INSC: variants seen among roughly 807,000 people sequenced by gnomAD.
INSC encodes protein inscuteable homolog.
INSC carries 67 observed loss-of-function variants against 58.6 expected under a neutral mutation model. The ratio of observed to expected loss-of-function variants is 1.14; its 90% CI spans 0.94 to 1.40. The LOEUF (loss-of-function observed/expected upper bound fraction) is 1.40. INSC is among the 40% of genes most tolerant of loss of function. The pLI is 0.00. For synonymous variants in INSC, 262 were observed against 276.1 expected, an observed-to-expected ratio of 0.95 and a Z score of 0.51; for missense variants, 714 against 692.0, an observed-to-expected ratio of 1.03 and a Z score of -0.36.
chr11:15,206,945 C>T (rs1012111603), intron 7 of INSC, among the ~76,000 whole-genome samples: 10 of 152,176 alleles, frequency 6.6e-5, no homozygotes, highest in African/African-American at 2.4e-4. Flanking sequence ...ACATTGCCCC[C>T]AAAGGACCTG....
intron 5 of INSC, among the ~76,000 whole-genome samples, chr11:15,183,448 TG>T (rs1294082734): frequency 2.9e-4 from 44 of 151,236 alleles, no homozygotes; most frequent in African/African-American, 9.9e-4. Context: ...TGTGTATGTG[TG>T]TGTGTGTGTA....
intron 7 of INSC, among the ~76,000 whole-genome samples, chr11:15,204,222 C>T (rs1412946820): frequency 3.3e-5 from 5 of 152,242 alleles, no homozygotes; most frequent in African/African-American, 1.2e-4. Flanking sequence ...TATATCTCCA[C>T]TGCTTACAGA....
intron 1 of INSC, among the ~76,000 whole-genome samples, chr11:15,139,058 T>C (rs912470962): frequency 6.6e-6 from 1 of 152,216 alleles, no homozygotes; most frequent in Non-Finnish European, 1.5e-5. Flanking sequence ...AAAATCATAT[T>C]TGTGAAGCTA....
chr11:15,115,681 T>C (rs1225516779), intron 1 of INSC, among the ~76,000 whole-genome samples: 2 of 152,176 alleles, frequency 1.3e-5, no homozygotes, highest in Non-Finnish European at 2.9e-5. Context: ...GTGGACCATA[T>C]GGCCATGGCC....
rs964415993 is a variant in INSC at position 15,201,017 on chromosome 11, G to C, written c.819+68G>C. ...GGTAGGGGTGAGGTCCAGGCCTCAT[G>C]ATGGCCATCTGTTCCTTTTCATGGA... On this transcript the variant is annotated intron_variant, in intron 7 of 12. Transcript: ENST00000379556. The C allele has an allele frequency of 7.2e-6, 11 of 1,522,478 alleles. No individual in the cohort carries two copies. The East Asian group carries it at 1.7e-4, about 24-fold the overall frequency. 94.3% of individuals were successfully genotyped at this position (1,522,478 alleles called of 1,614,324 possible). A position where few individuals can be genotyped will look rare whatever the true frequency, so the allele number is the denominator to read the frequency against.
chr11:15,113,143 T>TCTC (rs1847611291), upstream of INSC, among the ~76,000 whole-genome samples: 75 of 98,660 alleles, frequency 7.6e-4, 1 homozygote, highest in African/African-American at 2.0e-3. Context: ...CTTTCTTTCT[T>TCTC]TCTGTCTCTC....
chr11:15,112,948 A>C (rs1261493259), upstream of INSC, among the ~76,000 whole-genome samples: 2 of 152,106 alleles, frequency 1.3e-5, no homozygotes, highest in Non-Finnish European at 2.9e-5. Flanking sequence ...TGATGCTCAG[A>C]GAGGTTAAGT....
At chr11:15,134,155 G>A (rs1848187301) in intron 1 of INSC, among the ~76,000 whole-genome samples, 1 of 152,148 alleles carries the variant, frequency 6.6e-6, no homozygotes, top group Admixed American at 6.5e-5. Flanking sequence ...GGAGGAATAT[G>A]TGTAAGACAC....
intron 2 of INSC, among the ~76,000 whole-genome samples, chr11:15,162,320 A>G (rs1849046885): frequency 6.6e-6 from 1 of 152,180 alleles, no homozygotes; most frequent in African/African-American, 2.4e-5. Context: ...CAAACAAAGC[A>G]GGCATCTCCC....
At chr11:15,157,114 G>T (rs1336990469) in intron 2 of INSC, among the ~76,000 whole-genome samples, 3 of 152,186 alleles carry the variant, frequency 2.0e-5, no homozygotes, top group Non-Finnish European at 4.4e-5. Flanking sequence ...TTGAGGAATA[G>T]GCAACTTCTG....
chr11:15,225,949 T>C, intron 9 of INSC, 121 bp downstream of exon 9: 5 of 909,608 alleles, frequency 5.5e-6, no homozygotes, highest in Middle Eastern at 6.8e-4. Context: ...TTTTGCATGC[T>C]GTAGGAGGGC....
chr11:15,153,360 T>C (rs11023454), intron 2 of INSC, among the ~76,000 whole-genome samples: 55,675 of 152,058 alleles, frequency 0.37, 10,475 homozygotes, highest in Middle Eastern at 0.41. Context: ...TGGTTGCCCA[T>C]GGCTAGCTGG....
intron 1 of INSC, 118 bp downstream of exon 1, chr11:15,115,121 G>T: frequency 1.5e-6 from 1 of 648,500 alleles, no homozygotes; most frequent in Non-Finnish European, 1.9e-6. Flanking sequence ...GTCAGTGGGA[G>T]TGCTTGTGAA....
intron 12 of INSC, among the ~76,000 whole-genome samples, chr11:15,245,455 C>T (rs571017318): frequency 5.3e-5 from 8 of 152,296 alleles, no homozygotes; most frequent in East Asian, 1.9e-4. Context: ...CCTCTCTTTC[C>T]TGTTCATCCC....
At chr11:15,230,008 TATATAATATATATA>T (rs1851851870) in intron 9 of INSC, among the ~76,000 whole-genome samples, 3 of 26,578 alleles carry the variant, frequency 1.1e-4, no homozygotes, top group African/African-American at 1.7e-4. Flanking sequence ...TATATATATA[TATATAATATATATA>T]TATATATATA....
At chr11:15,121,259 A>T (rs1847866092) in intron 1 of INSC, among the ~76,000 whole-genome samples, 1 of 152,140 alleles carries the variant, frequency 6.6e-6, no homozygotes, top group African/African-American at 2.4e-5. Flanking sequence ...GATTGCATTT[A>T]ATTGTCATCT....
chr11:15,121,450 G>A (rs980163818), intron 1 of INSC, among the ~76,000 whole-genome samples: 3 of 152,218 alleles, frequency 2.0e-5, no homozygotes, highest in Non-Finnish European at 2.9e-5. Flanking sequence ...CTGCAGTGAG[G>A]TTATGTCCTC....
chr11:15,122,083 T>C (rs1847887272), intron 1 of INSC, among the ~76,000 whole-genome samples: 1 of 152,212 alleles, frequency 6.6e-6, no homozygotes, highest in Admixed American at 6.5e-5. Context: ...TTGTGATTGG[T>C]GTGTCATCGT....
intron 1 of INSC, among the ~76,000 whole-genome samples, chr11:15,127,707 G>C (rs1422571159): frequency 6.6e-6 from 1 of 152,150 alleles, no homozygotes; most frequent in Non-Finnish European, 1.5e-5. Flanking sequence ...TCAGTTGTGG[G>C]GTCATTATGC....
Sources: allele counts gnomAD v4.1 joint callset (sites outside exome capture counted in the v4.1 genomes callset), GRCh38; gene constraint gnomAD v4.1.1; transcripts MANE v1.5; gene names NCBI Gene and HGNC (gene_info 2026-07-23, HGNC 2026-07-21).